The following SVEP1 variants were observed in gnomAD, a reference collection of about 807,000 sequenced individuals.
The protein encoded by SVEP1 is sushi, von Willebrand factor type A, EGF and pentraxin domain containing 1, also known as sushi, von Willebrand factor type A, EGF and pentraxin domain-containing protein 1.
Under a neutral mutation model 367.3 loss-of-function variants are expected in SVEP1, and 164 were observed. The observed-to-expected ratio is 0.45, with a 90% confidence interval of 0.39 to 0.51. SVEP1 has a LOEUF of 0.51. Among genes scored for constraint, SVEP1 ranks in the 20% least tolerant of loss-of-function variants. SVEP1 has a pLI of 0.00. For missense variants in SVEP1, 4,117 were observed against 4,425.3 expected (o/e 0.93, Z 1.98); for synonymous variants, 1,666 against 1,611.6 (o/e 1.03, Z -0.81).
intron 47 of SVEP1, 96 bp downstream of exon 47, chr9:110,369,827 C>T: frequency 1.0e-6 from 1 of 980,806 alleles, no homozygotes. Context: ...TACTTACAGT[C>T]AAACTAGACA....
intron 1 of SVEP1, among the ~76,000 whole-genome samples, chr9:110,575,297 C>T (rs1024371436): frequency 6.6e-6 from 1 of 152,078 alleles, no homozygotes; most frequent in African/African-American, 2.4e-5. Flanking sequence ...ACTGTGTACT[C>T]GACTCATTAC....
At chr9:110,474,408 T>C (rs992768946) in intron 14 of SVEP1, among the ~76,000 whole-genome samples, 11 of 152,216 alleles carry the variant, frequency 7.2e-5, no homozygotes, top group African/African-American at 4.8e-5. Context: ...TGGTTATAAA[T>C]GTTACACCGA....
chr9:110,371,345 A>C (rs1481082394), intron 46 of SVEP1, among the ~76,000 whole-genome samples: 1 of 152,170 alleles, frequency 6.6e-6, no homozygotes, highest in Non-Finnish European at 1.5e-5. Context: ...TTCCTTGTCT[A>C]AAAGCTTAAG....
At chr9:110,396,746 A>C (rs11515473) in intron 40 of SVEP1, among the ~76,000 whole-genome samples, 31,181 of 151,986 alleles carry the variant, frequency 0.21, 3,281 homozygotes, top group African/African-American at 0.23. Flanking sequence ...AATCTAGAAG[A>C]AATGGATAAA....
At chr9:110,370,085 G>A (rs1388198095) in intron 46 of SVEP1, 69 bp from the exon 47 acceptor site, 15 of 1,399,362 alleles carry the variant, frequency 1.1e-5, no homozygotes, top group African/African-American at 2.9e-5. Context: ...ATAAAGGCAC[G>A]TAGGATAAGA....
intron 39 of SVEP1, among the ~76,000 whole-genome samples, chr9:110,402,294 G>C (rs1374974155): frequency 6.6e-6 from 1 of 151,738 alleles, no homozygotes; most frequent in African/African-American, 2.4e-5. Context: ...TAAGAGTTTT[G>C]TAACTCTGTG....
chr9:110,365,721 T>C lies in SVEP1; in HGVS notation c.*818A>G, dbSNP rs1359966776. On this transcript the variant is annotated 3_prime_UTR_variant, in exon 48 of 48. Transcript: ENST00000374469. ...GCCTTTTTCCTTCTCTTTCCCTGTC[T>C]TCCCCTTCCTCCCAAAATAGTGAGT... 1 of 152,262 alleles carries C rather than the reference T, an allele frequency of 6.6e-6. No homozygotes were observed. Among genetic ancestry groups the C allele is most frequent in the Non-Finnish European group, 1.5e-5 (1 of 68,084 alleles). 9.4% of individuals were successfully genotyped at this position (152,262 alleles called of 1,614,324 possible). A position where few individuals can be genotyped will look rare whatever the true frequency, so the allele number is the denominator to read the frequency against.
intron 40 of SVEP1, among the ~76,000 whole-genome samples, chr9:110,398,023 T>C (rs1564130445): frequency 4.4e-5 from 5 of 112,796 alleles, no homozygotes; most frequent in African/African-American, 6.0e-5. Context: ...AAAAAAGAGC[T>C]GCGTCACCAA....
chr9:110,533,522 C>A (rs1830045357), intron 3 of SVEP1, among the ~76,000 whole-genome samples: 1 of 152,046 alleles, frequency 6.6e-6, no homozygotes, highest in Non-Finnish European at 1.5e-5. Context: ...TGTAAGGGAA[C>A]TGAGCATCCT....
chr9:110,475,318 G>T (rs180818371), intron 14 of SVEP1, among the ~76,000 whole-genome samples: 243 of 152,104 alleles, frequency 1.6e-3, no homozygotes, highest in African/African-American at 5.5e-3. Context: ...CACATGACTT[G>T]AACTTATTCA....
In SVEP1 at chr9:110,388,352, A is replaced by T. The variant is rs10980357; in HGVS notation, c.9887-894T>A. On this transcript the variant is annotated intron_variant, in intron 41 of 47. Transcript: ENST00000374469. ...AGGATCACCCTTTCAAGAATCTCAA[A>T]AAATGGGCTTGAGTCTTAATTTTAT... Among the ~76,000 whole-genome samples, 491 of 152,304 alleles carry T rather than the reference A, an allele frequency of 3.2e-3. 13 individuals carry two copies. In the East Asian group the frequency reaches 0.084, roughly 26 times the overall value.
intron 17 of SVEP1, among the ~76,000 whole-genome samples, chr9:110,467,879 G>A (rs930069372): frequency 6.6e-6 from 1 of 152,030 alleles, no homozygotes; most frequent in Non-Finnish European, 1.5e-5. Context: ...CAAACAAACT[G>A]CCTGCCTCAG....
intron 2 of SVEP1, among the ~76,000 whole-genome samples, chr9:110,549,020 T>C (rs1830252389): frequency 6.6e-6 from 1 of 152,176 alleles, no homozygotes; most frequent in Admixed American, 6.5e-5. Flanking sequence ...TGAACATCAC[T>C]AATTTCTTAG....
chr9:110,431,772 T>C, intron 32 of SVEP1, 143 bp downstream of exon 32: 1 of 1,114,728 alleles, frequency 9.0e-7, no homozygotes, highest in Non-Finnish European at 1.3e-6. Flanking sequence ...ATGTGTCTTT[T>C]GTAAGAACTT....
rs1165167902 is a variant in SVEP1 at position 110,542,973 on chromosome 9, A to AAT, written c.964+3140_964+3141dup. On this transcript the variant is annotated intron_variant, in intron 3 of 47. Coordinates refer to ENST00000374469, the MANE Select transcript of SVEP1 (RefSeq NM_153366.4). ...AGAACTTAAAGTATAATTAAAAAAA[A>AAT]ATATATATATATATATATAAAATAA... 8.1e-3 allele frequency among the ~76,000 whole-genome samples: 1,193 copies of AAT among 147,252 alleles called. 7 individuals carry two copies. Among genetic ancestry groups the AAT allele is most frequent in the Non-Finnish European group, 7.4e-3 (494 of 66,844 alleles).
At chr9:110,462,967 T>C (rs1182406270) in intron 18 of SVEP1, among the ~76,000 whole-genome samples, 1 of 152,048 alleles carries the variant, frequency 6.6e-6, no homozygotes, top group East Asian at 1.9e-4. Flanking sequence ...CAGGTTCTCT[T>C]ACCACACACA....
rs117913103 is a variant in SVEP1 at position 110,557,780 on chromosome 9, G to T, written c.532-7676C>A. Among the ~76,000 whole-genome samples, 1,369 of 152,162 alleles carry T rather than the reference G, an allele frequency of 9.0e-3. 11 individuals carry two copies. The highest frequency in any genetic ancestry group is 0.014 in the Non-Finnish European group (960 of 68,014). ...ATTATTAATATTATTAAAGCAAGCT[G>T]ATAACCCACCCAAATGATCAGTGAA... On this transcript the variant is annotated intron_variant, in intron 1 of 47. Transcript: ENST00000374469.
intron 27 of SVEP1, 113 bp downstream of exon 27, chr9:110,443,432 G>T: frequency 4.2e-6 from 4 of 956,208 alleles, no homozygotes; most frequent in Non-Finnish European, 5.7e-6. Flanking sequence ...AAGAGAGATA[G>T]CTGTTAATCT....
At chr9:110,423,428 T>C (rs1828206605) in intron 36 of SVEP1, among the ~76,000 whole-genome samples, 1 of 152,004 alleles carries the variant, frequency 6.6e-6, no homozygotes, top group Non-Finnish European at 1.5e-5. Flanking sequence ...AAGCAGTGAC[T>C]GCAGTTAAAA....
Sources: allele counts gnomAD v4.1 joint callset (sites outside exome capture counted in the v4.1 genomes callset), GRCh38; gene constraint gnomAD v4.1.1; transcripts MANE v1.5; gene names NCBI Gene and HGNC (gene_info 2026-07-23, HGNC 2026-07-21).